Variants in SDHC observed in about 807,000 individuals in gnomAD.
The protein encoded by SDHC is succinate dehydrogenase cytochrome b560 subunit, mitochondrial.
A neutral mutation model predicts 22.6 loss-of-function variants in SDHC; 11 were observed. That is an observed-to-expected ratio of 0.49 (90% CI 0.31 to 0.81). SDHC has a LOEUF of 0.81. Ranked by LOEUF, SDHC falls within the 30% of genes least tolerant of loss-of-function variation. SDHC has a pLI of 0.05. For missense variants in SDHC, 160 were observed against 212.0 expected (o/e 0.75, Z 1.52); for synonymous variants, 80 against 77.8 (o/e 1.03, Z -0.15).
chr1:161,339,662 GTTTTTTTTTT>G lies in SDHC; in HGVS notation c.180-913_180-904del, dbSNP rs532317918. On this transcript the variant is annotated intron_variant, in intron 3 of 5. Transcript: ENST00000367975. Reference sequence around the variant, plus strand: ...TTTGTAACCTAATCCTGATACAGGTGTTTTTTTTTTTTTTTTTTTTTTTTTTTTGGAGACA... The same window carrying G: ...TTTGTAACCTAATCCTGATACAGGTGTTTTTTTTTTTTTTTTTTGGAGACA... 7.5e-3 allele frequency: 387 copies of G among 51,686 alleles called. 9 individuals carry two copies. Among genetic ancestry groups the G allele is most frequent in the South Asian group, 0.013 (53 of 4,168 alleles). 3.2% of individuals were successfully genotyped at this position (51,686 alleles called of 1,614,324 possible).
rs1044482948 is a variant in SDHC, at chr1:161,362,610, C to G, written c.*177C>G. On this transcript the variant is annotated 3_prime_UTR_variant, in exon 6 of 6. Coordinates refer to ENST00000367975, the MANE Select transcript of SDHC (RefSeq NM_003001.5). ...GTAGACCATAATAGTGGAAAAGGGT[C>G]TAGTTTTCCCCTTGTTTCTAAAGAT... 6.2e-7 allele frequency: 1 copy of G among 1,601,638 alleles called. No homozygotes were observed. Among genetic ancestry groups the G allele is most frequent in the African/African-American group, 1.3e-5 (1 of 74,694 alleles).
chr1:161,320,222 T>TGG (rs140910879), intron 1 of SDHC, among the ~76,000 whole-genome samples: 4 of 151,708 alleles, frequency 2.6e-5, no homozygotes, highest in Admixed American at 6.6e-5. Flanking sequence ...TGCCATCATA[T>TGG]GGGGGGGGTG....
At chr1:161,321,121 G>A (rs188526359) in intron 1 of SDHC, among the ~76,000 whole-genome samples, 78 of 152,196 alleles carry the variant, frequency 5.1e-4, no homozygotes, top group African/African-American at 1.9e-3. Context: ...CATCGCGCCC[G>A]GCCCAGTCTT....
intron 3 of SDHC, among the ~76,000 whole-genome samples, chr1:161,339,096 C>T (rs1446778181): frequency 6.6e-6 from 1 of 152,196 alleles, no homozygotes; most frequent in Non-Finnish European, 1.5e-5. Context: ...GATCCACCCG[C>T]CTCAGCCTCT....
Position 161,318,491 on chromosome 1 carries a change from C to G in SDHC, c.20+4066C>G, listed in dbSNP as rs1670710360. On this transcript the variant is annotated intron_variant, in intron 1 of 5. Coordinates refer to ENST00000367975, the MANE Select transcript of SDHC (RefSeq NM_003001.5). ...AAGGCCAAGGAGTTAGAGAACTAAG[C>G]TAAGGACAGCTAGGCTTCTATGTAA... Among the ~76,000 whole-genome samples the G allele has an allele frequency of 2.6e-5, 4 of 152,226 alleles. No individual in the cohort carries two copies. Among genetic ancestry groups the G allele is most frequent in the Admixed American group, 2.0e-4 (3 of 15,278 alleles).
At chr1:161,329,960 C>T (rs1207700424) in intron 3 of SDHC, among the ~76,000 whole-genome samples, 2 of 152,172 alleles carry the variant, frequency 1.3e-5, no homozygotes, top group African/African-American at 2.4e-5. Context: ...ATATTTAGAC[C>T]TCCCCAAATA....
intron 1 of SDHC, among the ~76,000 whole-genome samples, chr1:161,319,984 A>G (rs114332131): frequency 0.02 from 3,007 of 152,302 alleles, 89 homozygotes; most frequent in African/African-American, 0.069. Context: ...TACTGTAAGC[A>G]GCGGGAAATT....
intron 1 of SDHC, among the ~76,000 whole-genome samples, chr1:161,321,197 A>G (rs1243245859): frequency 2.6e-5 from 4 of 152,220 alleles, no homozygotes; most frequent in Admixed American, 6.5e-5. Flanking sequence ...AAGAGTTTCA[A>G]AAATGATTTC....
chr1:161,347,536 T>G (rs950653735), intron 4 of SDHC, among the ~76,000 whole-genome samples: 2 of 149,894 alleles, frequency 1.3e-5, no homozygotes, highest in African/African-American at 4.9e-5. Flanking sequence ...ATTACAGGCA[T>G]GAGCCACCAC....
intron 2 of SDHC, among the ~76,000 whole-genome samples, chr1:161,324,653 A>C (rs1571845729): frequency 6.6e-6 from 1 of 152,306 alleles, no homozygotes; most frequent in East Asian, 1.9e-4. Context: ...GTAAAATATT[A>C]ATGATTTAGT....
At chr1:161,360,464 G>A (rs1281382148) in intron 5 of SDHC, among the ~76,000 whole-genome samples, 1 of 151,946 alleles carries the variant, frequency 6.6e-6, no homozygotes, top group African/African-American at 2.4e-5. Context: ...GCTGAGGCAG[G>A]AGGATTGCTT....
chr1:161,331,594 C>CTT (rs376565137), intron 3 of SDHC, among the ~76,000 whole-genome samples: 3,774 of 132,624 alleles, frequency 0.028, 124 homozygotes, highest in East Asian at 0.16. Context: ...CAGTAAATAT[C>CTT]TTTTTTTTTT....
At chr1:161,343,724 T>C (rs971670932) in intron 4 of SDHC, among the ~76,000 whole-genome samples, 2 of 152,184 alleles carry the variant, frequency 1.3e-5, no homozygotes, top group Admixed American at 1.3e-4. Context: ...TTTGGTGATA[T>C]TGATGAACAG....
At chr1:161,314,597 C>CG (rs1314375781) in intron 1 of SDHC, 172 bp downstream of exon 1, 2 of 707,334 alleles carry the variant, frequency 2.8e-6, no homozygotes, top group African/African-American at 3.5e-5. Flanking sequence ...CCCCCCCAGC[C>CG]GCTCCGGTGC....
Position 161,317,235 on chromosome 1 carries a change from G to A in SDHC, c.20+2810G>A, listed in dbSNP as rs184398490. Reference sequence around the variant, plus strand: ...AGTAGAGACGGGGTTTCACCATCTTGGCCAGGCTGGTCTTAAATTCCTGAC... The same window carrying A: ...AGTAGAGACGGGGTTTCACCATCTTAGCCAGGCTGGTCTTAAATTCCTGAC... On this transcript the variant is annotated intron_variant, in intron 1 of 5. Coordinates refer to ENST00000367975, the MANE Select transcript of SDHC (RefSeq NM_003001.5). Among the ~76,000 whole-genome samples, 16 of 151,996 alleles carry A rather than the reference G, an allele frequency of 1.1e-4. No homozygotes were observed. In the East Asian group the frequency reaches 3.1e-3, roughly 29 times the overall value.
intron 5 of SDHC, among the ~76,000 whole-genome samples, 162 bp from the exon 6 acceptor site, chr1:161,362,167 T>C (rs1260677377): frequency 2.0e-5 from 3 of 152,160 alleles, no homozygotes; most frequent in Non-Finnish European, 4.4e-5. Flanking sequence ...TACTGTGGGT[T>C]TTGAGAAGGG....
At chr1:161,356,182 A>C (rs1325447855) in intron 4 of SDHC, among the ~76,000 whole-genome samples, 1 of 152,144 alleles carries the variant, frequency 6.6e-6, no homozygotes, top group Non-Finnish European at 1.5e-5. Context: ...TGGCACATTT[A>C]GTTTATGATG....
chr1:161,335,474 A>G (rs1322866165), intron 3 of SDHC, among the ~76,000 whole-genome samples: 1 of 151,892 alleles, frequency 6.6e-6, no homozygotes, highest in African/African-American at 2.4e-5. Context: ...CTAATTTTAT[A>G]TATTATAATA....
At chr1:161,327,556 T>C (rs553544959) in intron 2 of SDHC, among the ~76,000 whole-genome samples, 1 of 150,034 alleles carries the variant, frequency 6.7e-6, no homozygotes, top group East Asian at 2.0e-4. Flanking sequence ...ATGGAGTTTA[T>C]TTATTTATTT....
Sources: allele counts gnomAD v4.1 joint callset (sites outside exome capture counted in the v4.1 genomes callset), GRCh38; gene constraint gnomAD v4.1.1; transcripts MANE v1.5; gene names NCBI Gene and HGNC (gene_info 2026-07-23, HGNC 2026-07-21).